Variants in PKNOX2 observed in about 807,000 individuals in gnomAD.
PKNOX2 encodes homeobox protein PKNOX2.
PKNOX2 carries 14 observed loss-of-function variants against 53.1 expected under a neutral mutation model. That is an observed-to-expected ratio of 0.26 (90% CI 0.17 to 0.41). PKNOX2 has a LOEUF of 0.41. PKNOX2 is among the 10% of genes least tolerant of loss of function. The pLI is 1.00. For synonymous variants in PKNOX2, 257 were observed against 242.8 expected, an observed-to-expected ratio of 1.06 and a Z score of -0.54; for missense variants, 496 against 602.8, an observed-to-expected ratio of 0.82 and a Z score of 1.85.
intron 2 of PKNOX2, among the ~76,000 whole-genome samples, chr11:125,271,601 T>C (rs1189192218): frequency 6.6e-6 from 1 of 152,212 alleles, no homozygotes; most frequent in African/African-American, 2.4e-5. Flanking sequence ...CAGAGGAGTC[T>C]CAGTTCCTGT....
chr11:125,351,787 C>T (rs1234959408), intron 4 of PKNOX2, among the ~76,000 whole-genome samples: 2 of 152,074 alleles, frequency 1.3e-5, no homozygotes, highest in East Asian at 3.9e-4. Flanking sequence ...ACTTCACACT[C>T]AGAGGTTTCT....
chr11:125,345,703 CT>C (rs573228487), intron 3 of PKNOX2, among the ~76,000 whole-genome samples: 2 of 151,614 alleles, frequency 1.3e-5, no homozygotes, highest in East Asian at 1.9e-4. Flanking sequence ...ACCAGCAACA[CT>C]TTTTTTTTCC....
At chr11:125,289,891 A>G (rs1186888398) in intron 2 of PKNOX2, among the ~76,000 whole-genome samples, 5 of 152,216 alleles carry the variant, frequency 3.3e-5, no homozygotes, top group African/African-American at 9.6e-5. Context: ...CCGTTGCCCA[A>G]TAACTGTTAA....
chr11:125,213,225 T>C (rs543117590), intron 1 of PKNOX2, among the ~76,000 whole-genome samples: 1 of 152,080 alleles, frequency 6.6e-6, no homozygotes, highest in African/African-American at 2.4e-5. Flanking sequence ...ATCTGCCACC[T>C]CTTCCTGCCC....
intron 1 of PKNOX2, among the ~76,000 whole-genome samples, chr11:125,208,286 T>C (rs1013121088): frequency 2.0e-5 from 3 of 151,870 alleles, no homozygotes; most frequent in Non-Finnish European, 4.4e-5. Flanking sequence ...TTACTGGGAG[T>C]GTGGCCACAG....
chr11:125,170,073 T>C (rs1397455302), intron 1 of PKNOX2, among the ~76,000 whole-genome samples: 1 of 152,180 alleles, frequency 6.6e-6, no homozygotes, highest in African/African-American at 2.4e-5. Context: ...GTGTGTGACA[T>C]CTGGTCGGCT....
intron 2 of PKNOX2, among the ~76,000 whole-genome samples, chr11:125,316,936 T>C (rs1381592155): frequency 1.3e-5 from 2 of 152,320 alleles, no homozygotes; most frequent in East Asian, 3.9e-4. Flanking sequence ...TTACCCACAG[T>C]AGAACTTTTT....
chr11:125,365,006 G>A (rs904149284), intron 4 of PKNOX2, among the ~76,000 whole-genome samples: 1 of 151,988 alleles, frequency 6.6e-6, no homozygotes, highest in Non-Finnish European at 1.5e-5. Context: ...AAGAGTTGGG[G>A]TATTGGAAAG....
At chr11:125,239,719 T>G (rs1166286785) in intron 2 of PKNOX2, 2 of 152,244 alleles carry the variant, frequency 1.3e-5, no homozygotes, top group Non-Finnish European at 2.9e-5. Flanking sequence ...TGGGAACCTA[T>G]GCTCGAAGGG....
chr11:125,253,387 G>A (rs1297893906), intron 2 of PKNOX2, among the ~76,000 whole-genome samples: 2 of 152,134 alleles, frequency 1.3e-5, no homozygotes, highest in Non-Finnish European at 2.9e-5. Context: ...AATGAAAGAA[G>A]GAAGGAGAGA....
intron 10 of PKNOX2, among the ~76,000 whole-genome samples, chr11:125,416,572 T>G (rs1276633305): frequency 1.3e-5 from 2 of 152,032 alleles, no homozygotes; most frequent in African/African-American, 4.8e-5. Context: ...CATACTTTAT[T>G]AATAATACAT....
intron 2 of PKNOX2, among the ~76,000 whole-genome samples, chr11:125,286,448 T>G (rs1009565627): frequency 3.3e-5 from 5 of 152,226 alleles, no homozygotes; most frequent in African/African-American, 4.8e-5. Flanking sequence ...TAAAAATGGA[T>G]TTTTGCCCAA....
intron 2 of PKNOX2, among the ~76,000 whole-genome samples, chr11:125,315,021 C>T (rs1008154877): frequency 3.9e-5 from 6 of 152,144 alleles, no homozygotes; most frequent in African/African-American, 1.4e-4. Context: ...TCTTCCCAAC[C>T]AGGAGCCGGA....
At chr11:125,312,647 C>T (rs775942172) in intron 2 of PKNOX2, among the ~76,000 whole-genome samples, 3 of 152,158 alleles carry the variant, frequency 2.0e-5, no homozygotes, top group African/African-American at 7.2e-5. Flanking sequence ...GTGTCACGCA[C>T]GGCAGGCACT....
chr11:125,281,762 C>A (rs1235541886), intron 2 of PKNOX2, among the ~76,000 whole-genome samples: 2 of 152,200 alleles, frequency 1.3e-5, no homozygotes, highest in Non-Finnish European at 2.9e-5. Context: ...GAAGGAACAG[C>A]AATTTCTAGC....
At chr11:125,276,890 C>G (rs1946198080) in intron 2 of PKNOX2, among the ~76,000 whole-genome samples, 1 of 152,038 alleles carries the variant, frequency 6.6e-6, no homozygotes, top group Admixed American at 6.5e-5. Flanking sequence ...GGTAGGATAC[C>G]AGGGCAGGAG....
At chr11:125,297,191 A>G (rs34760839) in intron 2 of PKNOX2, among the ~76,000 whole-genome samples, 34,345 of 152,188 alleles carry the variant, frequency 0.23, 4,900 homozygotes, top group African/African-American at 0.4. Flanking sequence ...TACAGATGAG[A>G]AAACTAATAA....
At chr11:125,346,447 A>C (rs995303085) in intron 3 of PKNOX2, among the ~76,000 whole-genome samples, 1 of 152,240 alleles carries the variant, frequency 6.6e-6, no homozygotes, top group Non-Finnish European at 1.5e-5. Context: ...AGGGAAAGTG[A>C]CTTGTACAGA....
In PKNOX2 at chr11:125,257,460, A is replaced by G. The variant is rs530515521; in HGVS notation, c.-130+22345A>G. On this transcript the variant is annotated intron_variant, in intron 2 of 12. Transcript: ENST00000298282. ...CTGTTTTCAAGACCTGCAGGATCCC[A>G]GTAGGATACCTCCATGTTTATTCCA... is the stretch of plus-strand genomic sequence containing the variant. Among the ~76,000 whole-genome samples, 16 of 152,340 alleles carry G rather than the reference A, an allele frequency of 1.1e-4. No individual in the cohort carries two copies. The South Asian group carries it at 3.3e-3, about 32-fold the overall frequency.
Sources: gnomAD v4.1 joint callset for allele counts (sites outside exome capture counted in the v4.1 genomes callset) on GRCh38, gnomAD v4.1.1 for gene constraint, MANE v1.5 for transcripts, NCBI Gene and HGNC (gene_info 2026-07-23, HGNC 2026-07-21) for gene names.